The following SLC35F4 variants were observed in gnomAD, a reference collection of about 807,000 sequenced individuals.
SLC35F4 encodes the protein chromosome 14 open reading frame 36.
SLC35F4 carries 24 observed loss-of-function variants against 44.2 expected under a neutral mutation model. That is an observed-to-expected ratio of 0.54 (90% CI 0.39 to 0.76). The LOEUF (loss-of-function observed/expected upper bound fraction) is 0.76, where lower values mean the gene tolerates loss of function less well. SLC35F4 is among the 30% of genes least tolerant of loss of function. The pLI is 0.00. For synonymous variants in SLC35F4, 238 were observed against 223.6 expected (o/e 1.06, Z -0.57); for missense variants, 562 against 586.1 (o/e 0.96, Z 0.42).
rs756154759 is a variant in SLC35F4 at position 57,581,301 on chromosome 14, C to T, written c.720G>A (p.Thr240=). ...TACAACAGAACAGAGCGGAGACATC[C>T]GTGGCCGTCAGCTTCTTTAAAGCCA... ...YLLALKKLTA[T]DVSALFCCNK... is the part of the protein sequence containing the mutation. Residue 240 remains threonine, a synonymous_variant, in exon 4 of 8, where the codon ACG becomes ACA. Coordinates refer to ENST00000556826, the MANE Select transcript of SLC35F4 (RefSeq NM_001306087.2). 9.3e-6 allele frequency: 15 copies of T among 1,613,596 alleles called. No homozygotes were observed. Among genetic ancestry groups the T allele is most frequent in the East Asian group, 4.5e-5 (2 of 44,872 alleles).
chr14:57,734,886 T>A (rs1420750840), intron 1 of SLC35F4, among the ~76,000 whole-genome samples: 1 of 152,218 alleles, frequency 6.6e-6, no homozygotes, highest in Non-Finnish European at 1.5e-5. Context: ...TAAGTCCCCA[T>A]GTAGCCTTAT....
intron 1 of SLC35F4, among the ~76,000 whole-genome samples, chr14:57,864,793 A>G (rs889616502): frequency 1.3e-5 from 2 of 152,250 alleles, no homozygotes; most frequent in African/African-American, 4.8e-5. Context: ...CCACCTGCAT[A>G]GAAACTAAAC....
Position 57,901,917 on chromosome 14 carries a change from C to T in SLC35F4, n.282+79996G>A, listed in dbSNP as rs1197083318. 2.0e-5 allele frequency among the ~76,000 whole-genome samples: 3 copies of T among 152,134 alleles called. No individual in the cohort carries two copies. In the East Asian group the frequency reaches 5.8e-4, roughly 29 times the overall value. On this transcript the variant is annotated intron_variant and non_coding_transcript_variant, in intron 1 of 1. Transcript: ENST00000556568. ...AAGCCAGAATTTCAGTGAAGGTCTT[C>T]TGACCTCCACTCAGTACTCAGTACT...
intron 1 of SLC35F4, among the ~76,000 whole-genome samples, chr14:57,702,120 A>G (rs911154207): frequency 1.3e-5 from 2 of 152,154 alleles, no homozygotes; most frequent in Admixed American, 1.3e-4. Flanking sequence ...AAGGCATTTG[A>G]CCAGCCACTG....
In SLC35F4 at chr14:57,581,191, CATTGAATCA is replaced by C; in HGVS notation, c.807+14_807+22del. The C allele has an allele frequency of 2.7e-6, 4 of 1,493,852 alleles. No homozygotes were observed. Among genetic ancestry groups the C allele is most frequent in the Non-Finnish European group, 3.6e-6 (4 of 1,122,148 alleles). 92.5% of individuals were successfully genotyped at this position (1,493,852 alleles called of 1,614,324 possible). A position where few individuals can be genotyped will look rare whatever the true frequency, so the allele number is the denominator to read the frequency against. On this transcript the variant is annotated intron_variant, in intron 4 of 7. Coordinates refer to ENST00000556826, the MANE Select transcript of SLC35F4 (RefSeq NM_001306087.2). The stretch of plus-strand genomic sequence containing the variant: ...AGTTATGAAAAAGGCAGGCATCGCG[CATTGAATCA>C]AGTATGCCATTACCCTCACTCCCAT...
At chr14:57,570,836 C>A (rs62004511) in intron 5 of SLC35F4, among the ~76,000 whole-genome samples, 31,850 of 152,146 alleles carry the variant, frequency 0.21, 4,122 homozygotes, top group Admixed American at 0.32. Context: ...CTAATTTCAA[C>A]TGAACTAATT....
chr14:57,660,278 G>A (rs2074096313), intron 1 of SLC35F4, among the ~76,000 whole-genome samples: 1 of 152,062 alleles, frequency 6.6e-6, no homozygotes, highest in African/African-American at 2.4e-5. Context: ...ATATTGCAGA[G>A]TATACAAATA....
At chr14:57,668,052 T>C (rs1258279768) in intron 1 of SLC35F4, among the ~76,000 whole-genome samples, 3 of 149,214 alleles carry the variant, frequency 2.0e-5, no homozygotes, top group South Asian at 4.4e-4. Context: ...GGTATCTCAT[T>C]GTGGTTTTGA....
intron 1 of SLC35F4, among the ~76,000 whole-genome samples, chr14:57,797,081 A>G (rs2078070512): frequency 6.6e-6 from 1 of 152,182 alleles, no homozygotes; most frequent in African/African-American, 2.4e-5. Context: ...AAATGCACAC[A>G]AAATCTTTTG....
rs115658566 is a variant in SLC35F4 at position 57,946,374 on chromosome 14, A to G, written n.282+35539T>C. On this transcript the variant is annotated intron_variant and non_coding_transcript_variant, in intron 1 of 1. Transcript: ENST00000556568. Reference sequence around the variant, plus strand: ...GCCAATTATCCCAGCACTTTTTGTTAATTGGGTGTCCTTTCTCCACTTTAT... The same window carrying G: ...GCCAATTATCCCAGCACTTTTTGTTGATTGGGTGTCCTTTCTCCACTTTAT... Among the ~76,000 whole-genome samples, 1,310 of 151,368 alleles carry G rather than the reference A, an allele frequency of 8.7e-3. 20 individuals carry two copies. Among genetic ancestry groups the G allele is most frequent in the African/African-American group, 0.028 (1,158 of 41,176 alleles).
At chr14:57,760,570 C>T (rs892899984) in intron 1 of SLC35F4, among the ~76,000 whole-genome samples, 4 of 152,122 alleles carry the variant, frequency 2.6e-5, no homozygotes, top group Non-Finnish European at 5.9e-5. Context: ...TGTATTCCTA[C>T]AAATACACTT....
In SLC35F4 at chr14:57,569,945, A is replaced by G. The variant is rs1369688246; in HGVS notation, c.969T>C (p.Phe323=). The G allele has an allele frequency of 3.1e-6, 5 of 1,610,460 alleles. No individual in the cohort carries two copies. The highest frequency in any genetic ancestry group is 2.7e-5 in the African/African-American group (2 of 74,742). ...LFKMFLGSAN[F]GEAAHFVSTL... Reference sequence around the variant, plus strand: ...TGGAGACAAAGTGTGCAGCTTCCCCAAAGTTGGCACTTCCAAGAAACATTT... The same window carrying G: ...TGGAGACAAAGTGTGCAGCTTCCCCGAAGTTGGCACTTCCAAGAAACATTT... Residue 323 remains phenylalanine, a synonymous_variant, in exon 6 of 8, where the codon TTT becomes TTC. Transcript: ENST00000556826.
chr14:57,979,538 C>T (rs560621126), intron 1 of SLC35F4, among the ~76,000 whole-genome samples: 2 of 152,182 alleles, frequency 1.3e-5, no homozygotes, highest in Non-Finnish European at 2.9e-5. Context: ...TTCAGGATTC[C>T]TCTGAAGCTA....
Position 57,594,005 on chromosome 14 carries a change from G to A in SLC35F4, c.223C>T (p.Leu75Phe). ...GAGGATCCTTGGTTTTGAAGTTCAA[G>A]AATAGGAGCAGAGGAATCTTCGGTG... Reference protein sequence around the residue: ...SVTEDSSAPILELQNQGSSGV... With the variant: ...SVTEDSSAPIFELQNQGSSGV... The change falls in exon 2 of 8, where the codon CTT becomes TTT. Residue 75 changes from leucine (L) to phenylalanine (F), a missense_variant. Transcript: ENST00000556826. 6.2e-7 allele frequency: 1 copy of A among 1,613,920 alleles called. No homozygotes were observed. The highest frequency in any genetic ancestry group is 8.5e-7 in the Non-Finnish European group (1 of 1,179,864).
chr14:57,672,941 T>A (rs903046793), intron 1 of SLC35F4, among the ~76,000 whole-genome samples: 8 of 152,002 alleles, frequency 5.3e-5, no homozygotes, highest in African/African-American at 1.9e-4. Context: ...CACCAAGTAG[T>A]TTTCACAATT....
At chr14:57,918,659 G>C (rs1889379846) in intron 1 of SLC35F4, among the ~76,000 whole-genome samples, 1 of 152,188 alleles carries the variant, frequency 6.6e-6, no homozygotes, top group Non-Finnish European at 1.5e-5. Context: ...TGCAGAACGA[G>C]GAAGGGATGG....
chr14:57,757,422 C>G (rs1030806273), intron 1 of SLC35F4, among the ~76,000 whole-genome samples: 8 of 152,082 alleles, frequency 5.3e-5, no homozygotes, highest in African/African-American at 1.7e-4. Context: ...TTAGCGCCAT[C>G]TGTTCTATGT....
Position 57,654,719 on chromosome 14 carries a change from A to G in SLC35F4, c.104-60595T>C, listed in dbSNP as rs528292638. ...TTTACATTCTCACCAGCAATGTAGC[A>G]TAGTTCTTTTTACCACATCCATGAG... is the stretch of plus-strand genomic sequence containing the variant. On this transcript the variant is annotated intron_variant, in intron 1 of 7. Coordinates refer to ENST00000556826, the MANE Select transcript of SLC35F4 (RefSeq NM_001306087.2). 3.0e-4 allele frequency among the ~76,000 whole-genome samples: 45 copies of G among 152,306 alleles called. No individual in the cohort carries two copies. In the East Asian group the frequency reaches 8.5e-3, roughly 29 times the overall value.
intron 7 of SLC35F4, among the ~76,000 whole-genome samples, chr14:57,564,905 C>T (rs1284103157): frequency 6.6e-6 from 1 of 152,136 alleles, no homozygotes; most frequent in Non-Finnish European, 1.5e-5. Flanking sequence ...GCTTCTTATC[C>T]CAAATCCCCA....
Sources: allele counts gnomAD v4.1 joint callset (sites outside exome capture counted in the v4.1 genomes callset), GRCh38; gene constraint gnomAD v4.1.1; transcripts MANE v1.5; gene names NCBI Gene and HGNC (gene_info 2026-07-23, HGNC 2026-07-21).